The following PCDHA2 variants were observed in gnomAD, a reference collection of about 807,000 sequenced individuals.
PCDHA2 encodes the protein protocadherin alpha 2, also known as protocadherin alpha-2.
PCDHA2 carries 58 observed loss-of-function variants against 66.0 expected under a neutral mutation model. That is an observed-to-expected ratio of 0.88 (90% CI 0.71 to 1.09). The LOEUF (loss-of-function observed/expected upper bound fraction) is 1.09. Among genes scored for constraint, PCDHA2 ranks in the 50% least tolerant of loss-of-function variants. The pLI is 0.00. For missense variants in PCDHA2, 1,267 were observed against 1,242.3 expected, an observed-to-expected ratio of 1.02 and a Z score of -0.30; for synonymous variants, 634 against 554.0, an observed-to-expected ratio of 1.14 and a Z score of -2.03.
rs1219444085 is a variant in PCDHA2 at position 141,010,861 on chromosome 5, A to G, written c.*924A>G. On this transcript the variant is annotated 3_prime_UTR_variant, in exon 4 of 4. Coordinates refer to ENST00000526136, the MANE Select transcript of PCDHA2 (RefSeq NM_018905.3). ...ATTTATTTAAAAAAAGAGAAAGTCTATAGCTATAAATCTTTAAAGAGAAAT... is the reference window on the plus strand; with the variant it reads ...ATTTATTTAAAAAAAGAGAAAGTCTGTAGCTATAAATCTTTAAAGAGAAAT... 9.1e-5 allele frequency: 14 copies of G among 153,794 alleles called. No individual in the cohort carries two copies. Among genetic ancestry groups the G allele is most frequent in the African/African-American group, 3.1e-4 (13 of 41,468 alleles). 9.5% of individuals were successfully genotyped at this position (153,794 alleles called of 1,614,324 possible).
chr5:140,861,504 G>A (rs900432439), intron 1 of PCDHA2: 5 of 480,672 alleles, frequency 1.0e-5, no homozygotes, highest in African/African-American at 2.0e-5. Context: ...GATAGACCTC[G>A]AGGAGCTGTG....
intron 3 of PCDHA2, among the ~76,000 whole-genome samples, chr5:140,995,652 C>T (rs1018975214): frequency 2.0e-5 from 3 of 151,828 alleles, no homozygotes; most frequent in East Asian, 1.9e-4. Context: ...AAAGGAGAAT[C>T]GAAAAGGGAA....
intron 1 of PCDHA2, among the ~76,000 whole-genome samples, chr5:140,952,166 G>A (rs2094699360): frequency 6.6e-6 from 1 of 152,072 alleles, no homozygotes; most frequent in African/African-American, 2.4e-5. Flanking sequence ...GTGGGGTTCA[G>A]TTCCTGCAGC....
intron 1 of PCDHA2, chr5:140,843,938 G>C: frequency 1.7e-6 from 1 of 572,224 alleles, no homozygotes; most frequent in East Asian, 2.9e-5. Flanking sequence ...GTTATGGTTG[G>C]ATGATATCCA....
intron 1 of PCDHA2, chr5:140,928,939 T>G (rs367874769): frequency 6.2e-7 from 1 of 1,614,012 alleles, no homozygotes; most frequent in African/African-American, 1.3e-5. Context: ...CCAGAACTTG[T>G]ATTTAGTAAT....
chr5:140,835,753 A>G, intron 1 of PCDHA2: 1 of 1,613,416 alleles, frequency 6.2e-7, no homozygotes, highest in Non-Finnish European at 8.5e-7. Context: ...GCGTTCGCGC[A>G]GCCCGAGTAT....
chr5:140,884,721 T>C, intron 1 of PCDHA2: 1 of 1,464,684 alleles, frequency 6.8e-7, no homozygotes, highest in South Asian at 1.5e-5. Flanking sequence ...TTGCAGTTGT[T>C]TGTTTAAGAC....
chr5:140,861,154 CA>C lies in PCDHA2; in HGVS notation c.2388+63806del, dbSNP rs782409708. On this transcript the variant is annotated intron_variant, in intron 1 of 3. Coordinates refer to ENST00000526136, the MANE Select transcript of PCDHA2 (RefSeq NM_018905.3). ...CACTTGGAACCTCAGGAACAAGGAC[CA>C]AAAGGTCTCAGAGGAACTAAGTCTT... The C allele has an allele frequency of 5.8e-4, 90 of 154,832 alleles. 1 individual carries two copies. The highest frequency in any genetic ancestry group is 1.2e-3 in the Non-Finnish European group (81 of 69,986). 9.6% of individuals were successfully genotyped at this position (154,832 alleles called of 1,614,324 possible). A position where few individuals can be genotyped will look rare whatever the true frequency, so the allele number is the denominator to read the frequency against.
At position 140,848,413 on chromosome 5, in the gene PCDHA2, G is replaced by A. The variant is rs2150410118; in HGVS notation, c.2388+51061G>A. On this transcript the variant is annotated intron_variant, in intron 1 of 3. Transcript: ENST00000526136. The stretch of plus-strand genomic sequence containing the variant: ...TCTGTGCTGAACGATGGCGAACACA[G>A]CAGAATGGGACTGACGAAATCAGAT... 44 of 1,383,064 alleles carry A rather than the reference G, an allele frequency of 3.2e-5. 5 individuals are homozygous for A. Among genetic ancestry groups the A allele is most frequent in the Non-Finnish European group, 4.2e-5 (42 of 1,005,008 alleles). The allele number at this position is 1,383,064 out of a possible 1,614,324, so 85.7% of individuals were successfully genotyped here.
chr5:140,960,031 G>A (rs1331929817), intron 1 of PCDHA2, among the ~76,000 whole-genome samples: 4 of 152,220 alleles, frequency 2.6e-5, no homozygotes, highest in African/African-American at 7.2e-5. Flanking sequence ...TGTTAAGTCC[G>A]GCTGTTTATT....
chr5:140,928,943 T>C, intron 1 of PCDHA2: 1 of 1,614,090 alleles, frequency 6.2e-7, no homozygotes, highest in Non-Finnish European at 8.5e-7. Flanking sequence ...AACTTGTATT[T>C]AGTAATTGCC....
intron 1 of PCDHA2, among the ~76,000 whole-genome samples, chr5:140,951,450 C>A: frequency 6.6e-6 from 1 of 151,922 alleles, no homozygotes; most frequent in East Asian, 1.9e-4. Flanking sequence ...ATGATGCCGG[C>A]CATCTGCTTG....
intron 1 of PCDHA2, chr5:140,968,073 A>G: frequency 6.2e-7 from 1 of 1,614,142 alleles, no homozygotes; most frequent in African/African-American, 1.3e-5. Flanking sequence ...GCTGTCTACA[A>G]CATCACGGTG....
chr5:140,829,141 A>G, intron 1 of PCDHA2: 1 of 1,613,462 alleles, frequency 6.2e-7, no homozygotes, highest in Non-Finnish European at 8.5e-7. Flanking sequence ...TCCCTGAGAT[A>G]GCACTGACTT....
chr5:140,828,989 G>C, intron 1 of PCDHA2: 1 of 1,613,984 alleles, frequency 6.2e-7, no homozygotes, highest in South Asian at 1.1e-5. Context: ...TCGAAATACG[G>C]GAGAAATAGT....
intron 1 of PCDHA2, among the ~76,000 whole-genome samples, chr5:140,924,739 ACAAAAATTAACCGAG>A (rs2081980485): frequency 6.6e-6 from 1 of 151,884 alleles, no homozygotes; most frequent in Non-Finnish European, 1.5e-5. Flanking sequence ...TAATAAAAAT[ACAAAAATTAACCGAG>A]CATGGTGGTG....
intron 1 of PCDHA2, among the ~76,000 whole-genome samples, chr5:140,945,003 C>A (rs2093723763): frequency 6.6e-6 from 1 of 152,064 alleles, no homozygotes; most frequent in South Asian, 2.1e-4. Flanking sequence ...GGTTGTGGGT[C>A]ATGAATTATT....
chr5:140,960,848 A>G (rs2095575135), intron 1 of PCDHA2, among the ~76,000 whole-genome samples: 1 of 152,212 alleles, frequency 6.6e-6, no homozygotes, highest in Non-Finnish European at 1.5e-5. Context: ...GTTTAATGGC[A>G]ACTATAAGCC....
At chr5:140,967,354 C>T in intron 1 of PCDHA2, 1 of 1,607,952 alleles carries the variant, frequency 6.2e-7, no homozygotes, top group South Asian at 1.1e-5. Flanking sequence ...TCGAGCTGGA[C>T]CTTAAGCCCC....
Sources: gnomAD v4.1 joint callset for allele counts (sites outside exome capture counted in the v4.1 genomes callset) on GRCh38, gnomAD v4.1.1 for gene constraint, MANE v1.5 for transcripts, NCBI Gene and HGNC (gene_info 2026-07-23, HGNC 2026-07-21) for gene names.